SOX5: variants seen among roughly 807,000 people sequenced by gnomAD.
SOX5 encodes the protein transcription factor SOX-5.
Under a neutral mutation model 92.0 loss-of-function variants are expected in SOX5, and 9 were observed. The ratio of observed to expected loss-of-function variants is 0.10; its 90% confidence interval spans 0.06 to 0.17. SOX5 has a LOEUF of 0.17. SOX5 is among the 10% of genes least tolerant of loss of function. The pLI is 1.00. For synonymous variants in SOX5, 344 were observed against 336.3 expected, an observed-to-expected ratio of 1.02 and a Z score of -0.25; for missense variants, 642 against 944.5, an observed-to-expected ratio of 0.68 and a Z score of 4.20.
intron 6 of SOX5, among the ~76,000 whole-genome samples, chr12:23,723,471 T>G (rs1482149153): frequency 1.3e-5 from 2 of 151,628 alleles, no homozygotes; most frequent in South Asian, 2.1e-4. Flanking sequence ...CAGGTATGGA[T>G]GTAGGTATTC....
At chr12:23,986,081 A>T (rs923145252) in intron 4 of SOX5, among the ~76,000 whole-genome samples, 1 of 152,140 alleles carries the variant, frequency 6.6e-6, no homozygotes, top group Non-Finnish European at 1.5e-5. Context: ...AGCAACCTTA[A>T]TTTCATCTAC....
intron 3 of SOX5, among the ~76,000 whole-genome samples, chr12:23,816,213 T>C (rs1247043801): frequency 6.6e-6 from 1 of 151,012 alleles, no homozygotes; most frequent in Non-Finnish European, 1.5e-5. Flanking sequence ...ATTTCTTTTT[T>C]TTTTTTTTTT....
At chr12:23,802,064 TTTTC>T (rs1193878575) in intron 3 of SOX5, among the ~76,000 whole-genome samples, 5 of 152,000 alleles carry the variant, frequency 3.3e-5, no homozygotes, top group East Asian at 1.9e-4. Context: ...ATTCTTTTCT[TTTTC>T]TTTCTTTCTT....
At chr12:23,942,606 T>C (rs1220263197) in intron 1 of SOX5, among the ~76,000 whole-genome samples, 1 of 151,426 alleles carries the variant, frequency 6.6e-6, no homozygotes, top group African/African-American at 2.4e-5. Context: ...AGTGTCCCAA[T>C]TGATCTAACT....
At chr12:24,005,077 G>T (rs1189862228) in intron 4 of SOX5, among the ~76,000 whole-genome samples, 1 of 151,876 alleles carries the variant, frequency 6.6e-6, no homozygotes, top group African/African-American at 2.4e-5. Flanking sequence ...CAGAAACCTG[G>T]AACAGAGATT....
chr12:24,172,132 G>A (rs1223008289), intron 4 of SOX5, among the ~76,000 whole-genome samples: 1 of 151,958 alleles, frequency 6.6e-6, no homozygotes, highest in African/African-American at 2.4e-5. Context: ...AAGCAGGCTT[G>A]GGGATTGGAA....
chr12:24,383,654 G>A (rs533032826), intron 1 of SOX5, among the ~76,000 whole-genome samples: 31 of 152,232 alleles, frequency 2.0e-4, no homozygotes, highest in Admixed American at 5.2e-4. Context: ...CAGATCCAGC[G>A]TCATGGTATC....
intron 3 of SOX5, among the ~76,000 whole-genome samples, chr12:23,827,485 C>T (rs1210700355): frequency 6.6e-6 from 1 of 152,188 alleles, no homozygotes; most frequent in East Asian, 1.9e-4. Flanking sequence ...AGTAAACACA[C>T]CAAACAAAAG....
chr12:24,223,546 C>A (rs761151017), intron 3 of SOX5, among the ~76,000 whole-genome samples: 3 of 152,076 alleles, frequency 2.0e-5, no homozygotes, highest in Non-Finnish European at 4.4e-5. Context: ...TTGAGGCCAG[C>A]ATTTTGAGAC....
intron 11 of SOX5, among the ~76,000 whole-genome samples, chr12:23,546,790 A>G (rs1417840539): frequency 2.0e-5 from 3 of 152,210 alleles, no homozygotes; most frequent in Non-Finnish European, 4.4e-5. Flanking sequence ...CAGTAGAAGT[A>G]TAGGAGTGGC....
chr12:24,230,167 A>G (rs1963065253), intron 3 of SOX5, among the ~76,000 whole-genome samples: 1 of 152,142 alleles, frequency 6.6e-6, no homozygotes, highest in African/African-American at 2.4e-5. Flanking sequence ...CTGTTAATTA[A>G]CTAGAAGCAA....
chr12:23,818,577 A>G (rs904136310), intron 3 of SOX5, among the ~76,000 whole-genome samples: 1 of 152,170 alleles, frequency 6.6e-6, no homozygotes, highest in African/African-American at 2.4e-5. Context: ...ACTAAATTAA[A>G]TCTATAACAA....
chr12:24,467,434 T>C (rs1445702906), intron 1 of SOX5, among the ~76,000 whole-genome samples: 1 of 151,996 alleles, frequency 6.6e-6, no homozygotes, highest in African/African-American at 2.4e-5. Flanking sequence ...TTAAGGTGAA[T>C]CTTAAAGAAA....
chr12:24,163,060 C>A (rs374954844), intron 4 of SOX5, among the ~76,000 whole-genome samples: 2 of 152,086 alleles, frequency 1.3e-5, no homozygotes, highest in Non-Finnish European at 2.9e-5. Context: ...GCTGGAGGAG[C>A]TATTTCAGCT....
intron 2 of SOX5, among the ~76,000 whole-genome samples, chr12:24,309,996 G>C (rs565418179): frequency 6.6e-6 from 1 of 152,250 alleles, no homozygotes; most frequent in South Asian, 2.1e-4. Flanking sequence ...AAAATACTAA[G>C]TCAAATATTA....
chr12:23,970,566 C>T (rs1948107439), intron 4 of SOX5, among the ~76,000 whole-genome samples: 1 of 151,484 alleles, frequency 6.6e-6, no homozygotes, highest in African/African-American at 2.4e-5. Context: ...CTCTTGGTGT[C>T]TGGCTTATTT....
At chr12:23,536,803 T>C in intron 13 of SOX5, 134 bp from the exon 14 acceptor site, 1 of 680,300 alleles carries the variant, frequency 1.5e-6, no homozygotes, top group African/African-American at 1.8e-5. Context: ...TGTTTTTGAT[T>C]AGTGAGATCC....
chr12:23,970,231 T>TC (rs1948070281), intron 4 of SOX5, among the ~76,000 whole-genome samples: 1 of 32,738 alleles, frequency 3.1e-5, no homozygotes, highest in East Asian at 1.1e-3. Context: ...AGCTGACTTC[T>TC]TTTTTTTTTG....
chr12:24,401,084 C>T (rs539551686), intron 1 of SOX5, among the ~76,000 whole-genome samples: 11 of 152,196 alleles, frequency 7.2e-5, no homozygotes, highest in African/African-American at 1.9e-4. Context: ...CCAGGCACGG[C>T]GGCTCATGCT....
Sources: allele counts gnomAD v4.1 joint callset (sites outside exome capture counted in the v4.1 genomes callset), GRCh38; gene constraint gnomAD v4.1.1; transcripts MANE v1.5; gene names NCBI Gene and HGNC (gene_info 2026-07-23, HGNC 2026-07-21).